DBH: variants seen among roughly 807,000 people sequenced by gnomAD.
DBH encodes dopamine beta-hydroxylase (dopamine beta-monooxygenase).
DBH carries 49 observed loss-of-function variants against 64.0 expected under a neutral mutation model. The observed-to-expected ratio is 0.77, with a 90% CI of 0.61 to 0.97. DBH has a LOEUF of 0.97. Ranked by LOEUF, DBH falls within the 50% of genes least tolerant of loss-of-function variation. The probability of loss-of-function intolerance (pLI) is 0.00; values close to 1 mark genes in which losing one functional copy is unlikely to be tolerated. For missense variants in DBH, 828 were observed against 826.6 expected (o/e 1.00, Z -0.02); for synonymous variants, 343 against 347.1 (o/e 0.99, Z 0.13).
chr9:133,651,879 GCTT>G (rs1449125931), intron 7 of DBH, 102 bp downstream of exon 7: 23 of 1,297,580 alleles, frequency 1.8e-5, no homozygotes, highest in Non-Finnish European at 2.4e-5. Flanking sequence ...CTCCAGGCTG[GCTT>G]CTTTTTCCTG....
intron 8 of DBH, 59 bp from the exon 9 acceptor site, chr9:133,652,881 C>G (rs966092950): frequency 1.5e-6 from 2 of 1,329,542 alleles, no homozygotes; most frequent in Non-Finnish European, 2.2e-6. Context: ...GGGGCGAGGC[C>G]TCCAGCACCT....
chr9:133,658,462 C>T lies in DBH; in HGVS notation c.*15C>T. The T allele has an allele frequency of 4.4e-6, 7 of 1,596,326 alleles. No homozygotes were observed. The highest frequency in any genetic ancestry group is 5.1e-6 in the Non-Finnish European group (6 of 1,169,602). On this transcript the variant is annotated 3_prime_UTR_variant, in exon 12 of 12. Transcript: ENST00000393056. ...GCAAAGGCTGAGGGGGGACCTACTC[C>T]TCCCCCTCCTCCATGCTGTCCCTGT...
At chr9:133,657,293 G>C (rs1372619320) in intron 11 of DBH, 64 bp downstream of exon 11, 1 of 1,595,316 alleles carries the variant, frequency 6.3e-7, no homozygotes, top group Non-Finnish European at 8.6e-7. Flanking sequence ...GCCCCAGTGA[G>C]GGGTGATGGG....
intron 6 of DBH, among the ~76,000 whole-genome samples, chr9:133,650,438 TTTCC>T (rs2131290410): frequency 6.7e-6 from 1 of 149,922 alleles, no homozygotes; most frequent in Admixed American, 6.6e-5. Context: ...TCTTTCCTTC[TTTCC>T]TTCTTTTCTT....
At chr9:133,649,434 G>A (rs1243031434) in intron 6 of DBH, among the ~76,000 whole-genome samples, 2 of 152,222 alleles carry the variant, frequency 1.3e-5, no homozygotes, top group Non-Finnish European at 2.9e-5. Flanking sequence ...TCAAATACCA[G>A]TCTGTCTGAC....
Position 133,636,554 on chromosome 9 carries a change from C to T in DBH, c.183C>T (p.Leu61=), listed in dbSNP as rs756555116. 4 of 1,613,546 alleles carry T rather than the reference C, an allele frequency of 2.5e-6. No individual in the cohort carries two copies. The Admixed American group carries it at 6.7e-5, about 27-fold the overall frequency. The part of the protein sequence containing the change: ...IPLDPEGSLE[L]SWNVSYTQEA... ...TGGACCCGGAGGGGTCCCTGGAGCTCTCATGGAATGTCAGCTACACCCAGG... is the reference window on the plus strand; with the variant it reads ...TGGACCCGGAGGGGTCCCTGGAGCTTTCATGGAATGTCAGCTACACCCAGG... Residue 61 remains leucine, a synonymous_variant, in exon 1 of 12, where the codon CTC becomes CTT. Coordinates refer to ENST00000393056, the MANE Select transcript of DBH (RefSeq NM_000787.4).
Position 133,643,718 on chromosome 9 carries a change from C to T in DBH, c.921+129C>T. ...CTCCCAAGGGGGCTCACGAGGCCACCAGAAGGGCCAGGCCTGAGGTGGCCC... is the reference window on the plus strand; with the variant it reads ...CTCCCAAGGGGGCTCACGAGGCCACTAGAAGGGCCAGGCCTGAGGTGGCCC... On this transcript the variant is annotated intron_variant, in intron 4 of 11. Coordinates refer to ENST00000393056, the MANE Select transcript of DBH (RefSeq NM_000787.4). This position sits in a 1 kb window ranked among gnomAD's most constrained non-coding sequence, Gnocchi z 5.3. 9.7e-7 allele frequency: 1 copy of T among 1,030,580 alleles called. No individual in the cohort carries two copies. Among genetic ancestry groups the T allele is most frequent in the Non-Finnish European group, 1.4e-6 (1 of 702,422 alleles). The allele number at this position is 1,030,580 out of a possible 1,614,324, so 63.8% of individuals were successfully genotyped here.
intron 3 of DBH, among the ~76,000 whole-genome samples, chr9:133,642,938 G>C (rs993132427): frequency 2.0e-5 from 3 of 152,186 alleles, no homozygotes; most frequent in African/African-American, 7.2e-5. Context: ...CTAGTTTCCA[G>C]CAGAGGAAGT....
rs1832145612 is a variant in DBH at position 133,643,768 on chromosome 9, G to C, written c.921+179G>C. Among the ~76,000 whole-genome samples, 1 of 152,224 alleles carries C rather than the reference G, an allele frequency of 6.6e-6. No individual in the cohort carries two copies. The highest frequency in any genetic ancestry group is 2.4e-5 in the African/African-American group (1 of 41,452). ...CCCTCGCCTCTGTGATGTCTGAAATGCTTCAAGCCTTTTTTTTATTTTCCA... is the reference window on the plus strand; with the variant it reads ...CCCTCGCCTCTGTGATGTCTGAAATCCTTCAAGCCTTTTTTTTATTTTCCA... On this transcript the variant is annotated intron_variant, in intron 4 of 11. Transcript: ENST00000393056. This position sits in a 1 kb window ranked among gnomAD's most constrained non-coding sequence, Gnocchi z 5.3.
intron 6 of DBH, among the ~76,000 whole-genome samples, chr9:133,648,355 A>ACG (rs1439822795): frequency 6.6e-6 from 1 of 152,230 alleles, no homozygotes; most frequent in African/African-American, 2.4e-5. Flanking sequence ...GCTAAAGAGA[A>ACG]CGCTCCCCTC....
chr9:133,649,416 G>A (rs1832219245), intron 6 of DBH, among the ~76,000 whole-genome samples: 1 of 152,252 alleles, frequency 6.6e-6, no homozygotes, highest in Non-Finnish European at 1.5e-5. Context: ...GTCACGCAGA[G>A]TGAAGATTCA....
chr9:133,657,464 G>GA (rs1322604307), intron 11 of DBH, among the ~76,000 whole-genome samples: 3 of 137,080 alleles, frequency 2.2e-5, no homozygotes, highest in Admixed American at 1.4e-4. Flanking sequence ...GAGAGGGAGA[G>GA]GGAGAGAGGG....
At chr9:133,639,783 T>TTCCC in intron 1 of DBH, 63 bp from the exon 2 acceptor site, 1 of 1,557,026 alleles carries the variant, frequency 6.4e-7, no homozygotes, top group South Asian at 1.2e-5. Flanking sequence ...GAATGCCCTC[T>TTCCC]TCCCCTGTGG....
At chr9:133,646,625 G>T (rs1439823527) in intron 5 of DBH, among the ~76,000 whole-genome samples, 1 of 152,190 alleles carries the variant, frequency 6.6e-6, no homozygotes, top group Non-Finnish European at 1.5e-5. Flanking sequence ...CCAGGTTCAA[G>T]CGATTCTCCT....
In DBH at chr9:133,642,207, G is replaced by A. The variant is rs755432513; in HGVS notation, c.487G>A (p.Asp163Asn). 1 of 1,613,048 alleles carries A rather than the reference G, an allele frequency of 6.2e-7. No homozygotes were observed. The change falls in exon 3 of 12, where the codon GAC becomes AAC. Residue 163 changes from aspartate to asparagine, a missense_variant and splice_region_variant. Physicochemically the swap from Asp to Asn is conservative, Grantham distance 23. Transcript: ENST00000393056. The part of the protein sequence containing the change: ...TCDPKDYLIE[D>N]GTVHLVYGIL... ...CAGCTGAACCCTGTCTCGGCTGCAG[G>A]ACGGCACTGTCCACTTGGTCTACGG...
In DBH at chr9:133,642,270, A is replaced by AAC; in HGVS notation, c.551_552dup (p.Gly185ThrfsTer15). The AAC allele has an allele frequency of 6.2e-7, 1 of 1,614,012 alleles. No homozygotes were observed. Reference sequence around the variant, plus strand: ...GCCGTTCCGGTCACTGGAGGCCATCAACGGCTCGGGCCTGCAGATGGGGCT... The same window carrying AAC: ...GCCGTTCCGGTCACTGGAGGCCATCAACACGGCTCGGGCCTGCAGATGGGGCT... On this transcript the variant is annotated frameshift_variant, in exon 3 of 12. Coordinates refer to ENST00000393056, the MANE Select transcript of DBH (RefSeq NM_000787.4). LOFTEE classifies it high-confidence loss of function.
At position 133,651,680 on chromosome 9, in the gene DBH, C is replaced by A. The variant is rs775574103; in HGVS notation, c.1238C>A (p.Thr413Lys). 6.2e-7 allele frequency: 1 copy of A among 1,613,954 alleles called. No individual in the cohort carries two copies. The highest frequency in any genetic ancestry group is 8.5e-7 in the Non-Finnish European group (1 of 1,180,012). The change falls in exon 7 of 12, where the codon ACA (threonine) becomes AAA (lysine). Residue 413 changes from threonine to lysine, a missense_variant. Thr to Lys is a moderately conservative substitution (Grantham distance 78). Coordinates refer to ENST00000393056, the MANE Select transcript of DBH (RefSeq NM_000787.4). ...GIHIFASQLHTHLTGRKVVTV... is the reference protein window; with the variant it reads ...GIHIFASQLHKHLTGRKVVTV... ...CACATCTTCGCCTCTCAGCTCCACA[C>A]ACACCTGACTGGGAGAAAGGTGGTC...
chr9:133,641,496 G>A (rs775794995), intron 2 of DBH, among the ~76,000 whole-genome samples: 28 of 152,218 alleles, frequency 1.8e-4, no homozygotes, highest in Non-Finnish European at 3.2e-4. Flanking sequence ...GCGGCCCATC[G>A]GCTTTCCGCA....
chr9:133,638,675 A>G (rs1191010784), intron 1 of DBH, among the ~76,000 whole-genome samples: 3 of 152,172 alleles, frequency 2.0e-5, no homozygotes, highest in African/African-American at 7.2e-5. Flanking sequence ...TCGGAATGTT[A>G]GGAATATGAT....
Sources: gnomAD v4.1 joint callset for allele counts (sites outside exome capture counted in the v4.1 genomes callset) on GRCh38, gnomAD v4.1.1 for gene constraint, Gnocchi (gnomAD v3.1) non-coding constraint, MANE v1.5 for transcripts, NCBI Gene and HGNC (gene_info 2026-07-23, HGNC 2026-07-21) for gene names.